The following PDE1C variants were observed in gnomAD, a reference collection of about 807,000 sequenced individuals.
PDE1C encodes dual specificity calcium/calmodulin-dependent 3',5'-cyclic nucleotide phosphodiesterase 1C.
A neutral mutation model predicts 93.1 loss-of-function variants in PDE1C; 62 were observed. The ratio of observed to expected loss-of-function variants is 0.67; its 90% CI spans 0.54 to 0.82. PDE1C has a LOEUF of 0.82. PDE1C is among the 40% of genes least tolerant of loss of function. PDE1C has a pLI of 0.00. For synonymous variants in PDE1C, 325 were observed against 310.1 expected, an observed-to-expected ratio of 1.05 and a Z score of -0.50; for missense variants, 742 against 884.6, an observed-to-expected ratio of 0.84 and a Z score of 2.04.
intron 16 of PDE1C, among the ~76,000 whole-genome samples, chr7:31,792,230 C>G (rs1251554288): frequency 2.6e-5 from 4 of 152,026 alleles, no homozygotes. Context: ...TAGCTACCTG[C>G]AAAATAATGT....
the PDE1C span, among the ~76,000 whole-genome samples, chr7:31,623,895 C>G: frequency 6.6e-6 from 1 of 151,836 alleles, no homozygotes; most frequent in East Asian, 1.9e-4. Context: ...CCAAAATCTC[C>G]TTAAGCTGAT....
At chr7:32,129,029 T>A (rs1023990861) in intron 3 of PDE1C, among the ~76,000 whole-genome samples, 3 of 147,238 alleles carry the variant, frequency 2.0e-5, no homozygotes, top group African/African-American at 7.5e-5. Context: ...TATAAAACAA[T>A]ATAATTTGTG....
At chr7:32,418,385 A>G (rs936023180) in intron 1 of PDE1C, among the ~76,000 whole-genome samples, 1 of 152,220 alleles carries the variant, frequency 6.6e-6, no homozygotes, top group African/African-American at 2.4e-5. Context: ...AAAGGAGATA[A>G]CAATGGCACT....
At chr7:31,899,026 C>T (rs115424493) in intron 2 of PDE1C, among the ~76,000 whole-genome samples, 481 of 152,072 alleles carry the variant, frequency 3.2e-3, no homozygotes, top group African/African-American at 0.011. Flanking sequence ...CCCTCCCTGC[C>T]TCTGTCTGAA....
chr7:32,289,117 GT>G (rs1242061874), intron 1 of PDE1C, among the ~76,000 whole-genome samples: 1 of 152,170 alleles, frequency 6.6e-6, no homozygotes, highest in African/African-American at 2.4e-5. Flanking sequence ...AAAAAAAGAG[GT>G]CAGAGGCCAG....
intron 2 of PDE1C, among the ~76,000 whole-genome samples, chr7:32,194,115 C>T (rs1438966919): frequency 6.6e-6 from 1 of 152,028 alleles, no homozygotes; most frequent in East Asian, 1.9e-4. Context: ...AGGGTTTCAC[C>T]ATGTTCGCCA....
At chr7:32,404,754 T>C (rs968813881) in intron 1 of PDE1C, among the ~76,000 whole-genome samples, 9 of 152,084 alleles carry the variant, frequency 5.9e-5, no homozygotes, top group African/African-American at 2.2e-4. Flanking sequence ...GCTATTTGGT[T>C]TTCCTTGACT....
At chr7:32,196,982 G>T (rs898607844) in intron 2 of PDE1C, among the ~76,000 whole-genome samples, 2 of 152,132 alleles carry the variant, frequency 1.3e-5, no homozygotes, top group African/African-American at 4.8e-5. Context: ...GGGATGAGGA[G>T]AAATTATGAG....
the PDE1C span, chr7:31,651,143 G>C: frequency 6.2e-7 from 1 of 1,612,574 alleles, no homozygotes; most frequent in Admixed American, 1.7e-5. Context: ...TGTTCTCAGT[G>C]CACAGTCCAT....
intron 6 of PDE1C, among the ~76,000 whole-genome samples, chr7:31,872,040 G>C (rs568569777): frequency 1.6e-4 from 1 of 6,342 alleles, no homozygotes; most frequent in African/African-American, 5.0e-4. Flanking sequence ...AATACTATTC[G>C]GCCATAAAAA....
At chr7:32,043,553 C>T (rs1369396037) in intron 2 of PDE1C, among the ~76,000 whole-genome samples, 3 of 152,072 alleles carry the variant, frequency 2.0e-5, no homozygotes, top group Non-Finnish European at 2.9e-5. Context: ...GATGCACAAC[C>T]ACACAGATAC....
At chr7:32,067,330 CA>C (rs1013346911) in intron 1 of PDE1C, among the ~76,000 whole-genome samples, 3 of 152,110 alleles carry the variant, frequency 2.0e-5, no homozygotes, top group African/African-American at 7.2e-5. Flanking sequence ...GTGACCAAAG[CA>C]AACCAAAAAC....
intron 2 of PDE1C, among the ~76,000 whole-genome samples, chr7:31,959,843 T>C (rs934188864): frequency 1.8e-4 from 28 of 152,094 alleles, no homozygotes; most frequent in African/African-American, 5.6e-4. Flanking sequence ...TAGAATGCAC[T>C]AGAAACAATG....
intron 1 of PDE1C, among the ~76,000 whole-genome samples, chr7:32,307,104 C>T (rs1813024071): frequency 6.6e-6 from 1 of 152,220 alleles, no homozygotes; most frequent in South Asian, 2.1e-4. Flanking sequence ...ATTTATTGTA[C>T]ACCTACTATG....
chr7:32,089,056 C>T (rs1463477019), intron 3 of PDE1C, among the ~76,000 whole-genome samples: 2 of 152,174 alleles, frequency 1.3e-5, no homozygotes, highest in Non-Finnish European at 2.9e-5. Flanking sequence ...CTCTCAAACG[C>T]CATGTGTGGA....
chr7:32,194,075 C>T (rs759487282), intron 2 of PDE1C, among the ~76,000 whole-genome samples: 25 of 152,044 alleles, frequency 1.6e-4, no homozygotes, highest in Middle Eastern at 6.8e-3. Flanking sequence ...CCACCACACC[C>T]GGTAATTTTT....
chr7:31,842,763 A>G (rs760890097), intron 9 of PDE1C, among the ~76,000 whole-genome samples: 1 of 151,326 alleles, frequency 6.6e-6, no homozygotes, highest in African/African-American at 2.4e-5. Flanking sequence ...TTTTCCTCTT[A>G]TCATTACTAA....
chr7:31,702,300 C>T, the PDE1C span, among the ~76,000 whole-genome samples: 1 of 151,736 alleles, frequency 6.6e-6, no homozygotes, highest in South Asian at 2.1e-4. Context: ...TTCAGACTTG[C>T]TAGGAAGGAG....
chr7:32,277,582 T>A (rs562862418), intron 1 of PDE1C, among the ~76,000 whole-genome samples: 12 of 152,302 alleles, frequency 7.9e-5, no homozygotes, highest in Admixed American at 7.8e-4. Context: ...CTGACAGGAC[T>A]AAATTAAAAC....
Sources: allele counts gnomAD v4.1 joint callset (sites outside exome capture counted in the v4.1 genomes callset), GRCh38; gene constraint gnomAD v4.1.1; transcripts MANE v1.5; gene names NCBI Gene and HGNC (gene_info 2026-07-23, HGNC 2026-07-21).